Variants in LMCD1 observed in about 807,000 individuals in gnomAD.
LMCD1 encodes LIM and cysteine rich domains 1, also known as LIM and cysteine-rich domains protein 1.
Under a neutral mutation model 42.7 loss-of-function variants are expected in LMCD1, and 32 were observed. The ratio of observed to expected loss-of-function variants is 0.75; its 90% CI spans 0.57 to 1.01. The LOEUF is 1.01. Among genes scored for constraint, LMCD1 ranks in the 50% least tolerant of loss-of-function variants. The pLI is 0.00. For synonymous variants in LMCD1, 178 were observed against 184.9 expected (o/e 0.96, Z 0.30); for missense variants, 458 against 483.1 (o/e 0.95, Z 0.49).
chr3:8,547,688 C>A (rs57244757), intron 3 of LMCD1, among the ~76,000 whole-genome samples: 16,958 of 151,942 alleles, frequency 0.11, 1,101 homozygotes, highest in South Asian at 0.22. Context: ...GTCAGGAGAT[C>A]AAGACCATCC....
chr3:8,514,323 A>G (rs1414889042), intron 1 of LMCD1, among the ~76,000 whole-genome samples: 1 of 152,252 alleles, frequency 6.6e-6, no homozygotes, highest in Non-Finnish European at 1.5e-5. Context: ...ACAGTGTCAC[A>G]TACCCAGCAG....
At chr3:8,546,069 A>G (rs1402117470) in intron 3 of LMCD1, among the ~76,000 whole-genome samples, 2 of 152,128 alleles carry the variant, frequency 1.3e-5, no homozygotes, top group Non-Finnish European at 2.9e-5. Context: ...GGAGGCAGAG[A>G]TTGCAGTGAG....
At position 8,574,561 on chromosome 3, in the gene LMCD1, G is replaced by A. The variant is rs918736308; in HGVS notation, c.*6963G>A. 1 of 152,142 alleles carries A rather than the reference G, an allele frequency of 6.6e-6. No individual in the cohort carries two copies. Among genetic ancestry groups the A allele is most frequent in the African/African-American group, 2.4e-5 (1 of 41,426 alleles). The allele number at this position is 152,142 out of a possible 1,614,324, so 9.4% of individuals were successfully genotyped here. On this transcript the variant is annotated 3_prime_UTR_variant, in exon 6 of 6. Coordinates refer to ENST00000157600, the MANE Select transcript of LMCD1 (RefSeq NM_014583.4). Reference sequence around the variant, plus strand: ...GAAGCCAAGTGGCACAGCTCATCTTGAAGTAATTATAATGCCACTAAAATT... The same window carrying A: ...GAAGCCAAGTGGCACAGCTCATCTTAAAGTAATTATAATGCCACTAAAATT...
intron 1 of LMCD1, among the ~76,000 whole-genome samples, chr3:8,526,193 A>G (rs1412029417): frequency 1.3e-5 from 2 of 152,194 alleles, no homozygotes; most frequent in Non-Finnish European, 2.9e-5. Flanking sequence ...CTCATGACAC[A>G]CTGTTTCTCC....
At chr3:8,563,087 A>G (rs991913755) in intron 4 of LMCD1, among the ~76,000 whole-genome samples, 2 of 152,210 alleles carry the variant, frequency 1.3e-5, no homozygotes, top group Non-Finnish European at 2.9e-5. Flanking sequence ...GGGAGGGCAG[A>G]GGTTTCCAAA....
chr3:8,561,545 G>A (rs374725772), intron 4 of LMCD1, among the ~76,000 whole-genome samples: 83 of 152,356 alleles, frequency 5.4e-4, no homozygotes, highest in Non-Finnish European at 1.0e-3. Flanking sequence ...GCCATGGGCC[G>A]TAGCTTACTG....
chr3:8,507,227 G>A (rs1347837820), intron 1 of LMCD1, among the ~76,000 whole-genome samples: 3 of 152,180 alleles, frequency 2.0e-5, no homozygotes, highest in Non-Finnish European at 4.4e-5. Context: ...GCATAGATCT[G>A]CAAAAGCTCT....
intron 4 of LMCD1, chr3:8,549,769 G>T (rs1694805779): frequency 7.1e-6 from 5 of 700,970 alleles, no homozygotes; most frequent in Non-Finnish European, 1.3e-5. Context: ...TCTGGTGAGG[G>T]ACTTCTTCCT....
intron 4 of LMCD1, among the ~76,000 whole-genome samples, chr3:8,552,509 C>G (rs75223739): frequency 6.6e-6 from 1 of 152,290 alleles, no homozygotes; most frequent in East Asian, 1.9e-4. Flanking sequence ...CCTTCCAGAG[C>G]TTATCAGTAG....
intron 1 of LMCD1, among the ~76,000 whole-genome samples, chr3:8,532,527 C>T (rs1694431384): frequency 2.0e-5 from 3 of 152,158 alleles, no homozygotes; most frequent in Admixed American, 2.0e-4. Context: ...AAGAGCCCCA[C>T]CCTTCCACAA....
intron 1 of LMCD1, among the ~76,000 whole-genome samples, chr3:8,514,111 A>G (rs1440800406): frequency 6.6e-6 from 1 of 152,120 alleles, no homozygotes; most frequent in African/African-American, 2.4e-5. Flanking sequence ...ATAGATACAT[A>G]CATACATACA....
At chr3:8,542,738 A>G (rs1028661654) in intron 3 of LMCD1, among the ~76,000 whole-genome samples, 5 of 152,254 alleles carry the variant, frequency 3.3e-5, no homozygotes, top group Admixed American at 3.3e-4. Flanking sequence ...TGCTGGGTTC[A>G]TAGCTGTCTC....
intron 5 of LMCD1, among the ~76,000 whole-genome samples, chr3:8,566,032 T>C (rs1480579721): frequency 6.6e-6 from 1 of 152,164 alleles, no homozygotes; most frequent in South Asian, 2.1e-4. Flanking sequence ...TTACTACTTA[T>C]AAAATAGGGA....
At chr3:8,544,102 T>A (rs1694687723) in intron 3 of LMCD1, among the ~76,000 whole-genome samples, 1 of 152,138 alleles carries the variant, frequency 6.6e-6, no homozygotes, top group East Asian at 1.9e-4. Flanking sequence ...CTCCTTCCCC[T>A]TTCCTGAACT....
chr3:8,525,968 C>T (rs565394110), intron 1 of LMCD1, among the ~76,000 whole-genome samples: 3 of 152,310 alleles, frequency 2.0e-5, no homozygotes, highest in South Asian at 4.2e-4. Context: ...TGTAGCCCCT[C>T]GATACTCAAA....
chr3:8,535,680 G>A (rs1198613930), intron 2 of LMCD1, among the ~76,000 whole-genome samples: 1 of 152,144 alleles, frequency 6.6e-6, no homozygotes, highest in African/African-American at 2.4e-5. Context: ...CAGATTTTAG[G>A]CAACTCTCTT....
In LMCD1 at chr3:8,505,733, C is replaced by A. The variant is rs116336578; in HGVS notation, c.42+3753C>A. Among the ~76,000 whole-genome samples, 379 of 152,358 alleles carry A rather than the reference C, an allele frequency of 2.5e-3. 5 individuals carry two copies. Among genetic ancestry groups the A allele is most frequent in the African/African-American group, 8.8e-3 (368 of 41,588 alleles). On this transcript the variant is annotated intron_variant, in intron 1 of 5. Coordinates refer to ENST00000157600, the MANE Select transcript of LMCD1 (RefSeq NM_014583.4). ...GCCAGGTCCACCTGGATGTCTCTCT[C>A]CATGCTTCTCTACATCACATCCCTC...
intron 5 of LMCD1, among the ~76,000 whole-genome samples, chr3:8,565,898 G>C (rs886866606): frequency 2.0e-5 from 3 of 152,212 alleles, no homozygotes; most frequent in African/African-American, 7.2e-5. Context: ...CTAGCACTTA[G>C]TAAGTACTCA....
chr3:8,528,605 CA>C (rs1394930352), intron 1 of LMCD1, among the ~76,000 whole-genome samples: 2 of 152,200 alleles, frequency 1.3e-5, no homozygotes, highest in Non-Finnish European at 1.5e-5. Flanking sequence ...ATTCATTTTT[CA>C]GAGGAGGCAA....
Sources: gnomAD v4.1 joint callset for allele counts (sites outside exome capture counted in the v4.1 genomes callset) on GRCh38, gnomAD v4.1.1 for gene constraint, MANE v1.5 for transcripts, NCBI Gene and HGNC (gene_info 2026-07-23, HGNC 2026-07-21) for gene names.